Variants in LAMC2 observed in about 807,000 individuals in gnomAD.
LAMC2 encodes the protein laminin subunit gamma-2.
In LAMC2, 97 loss-of-function variants were observed where a neutral mutation model predicts 140.2. The observed-to-expected ratio is 0.69, with a 90% confidence interval of 0.59 to 0.82. The LOEUF is 0.82. LAMC2 is among the 40% of genes least tolerant of loss of function. The probability of loss-of-function intolerance (pLI) is 0.00; values close to 1 mark genes in which losing one functional copy is unlikely to be tolerated. For missense variants in LAMC2, 1,402 were observed against 1,476.1 expected (o/e 0.95, Z 0.82); for synonymous variants, 513 against 540.2 (o/e 0.95, Z 0.70).
chr1:183,215,320 C>A, intron 2 of LAMC2, 133 bp from the exon 3 acceptor site: 1 of 957,136 alleles, frequency 1.0e-6, no homozygotes, highest in Admixed American at 2.0e-5. Flanking sequence ...TGTGAAGTGA[C>A]TGTTAAAAGC....
Position 183,232,812 on chromosome 1 carries a change from G to A in LAMC2, c.2175G>A (p.Gln725=), listed in dbSNP as rs1285282989. The change falls in exon 14 of 23, where the codon CAG becomes CAA. Residue 725 remains glutamine, a synonymous_variant. Coordinates refer to ENST00000264144, the MANE Select transcript of LAMC2 (RefSeq NM_005562.3). ...RVRDTHRLIT[Q]MQLSLAESEA... is the part of the protein sequence containing the mutation. ...GGGATACTCACAGGCTCATCACTCAGATGCAGCTGAGCCTGGCAGAAAGTG... is the reference window on the plus strand; with the variant it reads ...GGGATACTCACAGGCTCATCACTCAAATGCAGCTGAGCCTGGCAGAAAGTG... 5 of 1,614,162 alleles carry A rather than the reference G, an allele frequency of 3.1e-6. No individual in the cohort carries two copies. The highest frequency in any genetic ancestry group is 4.2e-6 in the Non-Finnish European group (5 of 1,179,994).
intron 1 of LAMC2, among the ~76,000 whole-genome samples, chr1:183,198,722 C>T (rs1240807743): frequency 6.6e-6 from 1 of 152,202 alleles, no homozygotes; most frequent in Non-Finnish European, 1.5e-5. Context: ...TGCTCTGAGG[C>T]CTGCCTCATC....
At chr1:183,189,564 T>C (rs1457565529) in intron 1 of LAMC2, among the ~76,000 whole-genome samples, 1 of 152,036 alleles carries the variant, frequency 6.6e-6, no homozygotes, top group Admixed American at 6.6e-5. Flanking sequence ...ATTTGAGATA[T>C]AAATTTGGGG....
rs1355702816 is a variant in LAMC2 at position 183,243,553 on chromosome 1, C to T, written c.*153C>T. On this transcript the variant is annotated 3_prime_UTR_variant, in exon 23 of 23. Transcript: ENST00000264144. ...CCTGACCCCATTCCTGATCCCATGG[C>T]CAGGTGGTTGTCTTATTGCACCATA... 3.3e-6 allele frequency: 3 copies of T among 912,232 alleles called. No homozygotes were observed. The highest frequency in any genetic ancestry group is 3.3e-5 in the African/African-American group (2 of 61,264). 56.5% of individuals were successfully genotyped at this position (912,232 alleles called of 1,614,324 possible). A position where few individuals can be genotyped will look rare whatever the true frequency, so the allele number is the denominator to read the frequency against.
chr1:183,214,052 AT>A (rs1241868027), intron 2 of LAMC2, among the ~76,000 whole-genome samples: 1 of 138,456 alleles, frequency 7.2e-6, no homozygotes, highest in Non-Finnish European at 1.5e-5. Context: ...AAAAAAAAAA[AT>A]ACAGATTATT....
intron 16 of LAMC2, 120 bp downstream of exon 16, chr1:183,235,850 G>C (rs1659945580): frequency 3.0e-6 from 3 of 988,118 alleles, no homozygotes; most frequent in East Asian, 2.6e-5. Flanking sequence ...ATGATAATAA[G>C]AGGGCCGAAA....
Position 183,240,334 on chromosome 1 carries a change from G to T in LAMC2, c.3271G>T (p.Ala1091Ser), listed in dbSNP as rs767196482. The change falls in exon 22 of 23, where the codon GCT becomes TCT. Residue 1091 changes from alanine (A) to serine (S), a missense_variant. Around this residue, in one of 3 missense-constraint regions of LAMC2, gnomAD observed 670 missense variants for 667.2 expected, o/e 1.00. Coordinates refer to ENST00000264144, the MANE Select transcript of LAMC2 (RefSeq NM_005562.3). ...GAAGGTTGATACCAGAGCCAAGAAC[G>T]CTGGGGTTACAATCCAAGACACACT... ...AQKVDTRAKN[A>S]GVTIQDTLNT... 6.2e-7 allele frequency: 1 copy of T among 1,614,176 alleles called. No individual in the cohort carries two copies. The highest frequency in any genetic ancestry group is 1.1e-5 in the South Asian group (1 of 91,076).
chr1:183,221,742 A>G (rs1050228497), intron 5 of LAMC2, among the ~76,000 whole-genome samples: 1 of 150,724 alleles, frequency 6.6e-6, no homozygotes, highest in African/African-American at 2.4e-5. Flanking sequence ...AAAAAAACAA[A>G]TGAAAAAAAA....
chr1:183,210,522 T>G (rs1659038365), intron 2 of LAMC2, among the ~76,000 whole-genome samples: 1 of 152,214 alleles, frequency 6.6e-6, no homozygotes, highest in South Asian at 2.1e-4. Flanking sequence ...TTCCAGCAAC[T>G]GATTGCAAGA....
At chr1:183,186,503 G>A in intron 1 of LAMC2, 72 bp downstream of exon 1, 2 of 1,519,898 alleles carry the variant, frequency 1.3e-6, no homozygotes, top group Non-Finnish European at 1.8e-6. Flanking sequence ...GACCGTGATG[G>A]CTGAACGTAC....
chr1:183,199,381 C>T (rs562775713), intron 1 of LAMC2, among the ~76,000 whole-genome samples: 106 of 152,194 alleles, frequency 7.0e-4, no homozygotes, highest in South Asian at 1.7e-3. Flanking sequence ...GGATTACAGA[C>T]TTTTCTTAGA....
In LAMC2 at chr1:183,232,643, T is replaced by C. The variant is rs760933152; in HGVS notation, c.2015-9T>C. Reference sequence around the variant, plus strand: ...AGTGCTCATGCTCCCTTTCCTTCTTTGCGTTCAGGTGCTAGCAGATCCCTT... The same window carrying C: ...AGTGCTCATGCTCCCTTTCCTTCTTCGCGTTCAGGTGCTAGCAGATCCCTT... On this transcript the variant is annotated splice_polypyrimidine_tract_variant and intron_variant, in intron 13 of 22. Transcript: ENST00000264144. 15 of 1,611,720 alleles carry C rather than the reference T, an allele frequency of 9.3e-6. No homozygotes were observed. The highest frequency in any genetic ancestry group is 1.3e-5 in the Non-Finnish European group (15 of 1,179,136).
At chr1:183,220,036 C>A (rs1659418843) in intron 4 of LAMC2, among the ~76,000 whole-genome samples, 1 of 152,218 alleles carries the variant, frequency 6.6e-6, no homozygotes. Flanking sequence ...AACATAAGTG[C>A]TAAATAAATA....
In LAMC2 at chr1:183,239,576, C is replaced by T. The variant is rs770148792; in HGVS notation, c.3069+13C>T. The T allele has an allele frequency of 2.5e-5, 41 of 1,608,768 alleles. No individual in the cohort carries two copies. The highest frequency in any genetic ancestry group is 5.4e-5 in the African/African-American group (4 of 74,732). On this transcript the variant is annotated intron_variant, in intron 20 of 22. Coordinates refer to ENST00000264144, the MANE Select transcript of LAMC2 (RefSeq NM_005562.3). ...TGAGATTGAACAGGTAAAGAGAAAT[C>T]GACATGTGTGTTGGTGCCAGTAGCA...
rs941403272 is a variant in LAMC2 at position 183,186,521 on chromosome 1, G to A, written c.79+90G>A. On this transcript the variant is annotated intron_variant, in intron 1 of 22. Coordinates refer to ENST00000264144, the MANE Select transcript of LAMC2 (RefSeq NM_005562.3). ...CGTGATGGCTGAACGTACCTCCGAG[G>A]ATTCCCACTTTGTCCAGAAACTTGT... 3 of 1,428,388 alleles carry A rather than the reference G, an allele frequency of 2.1e-6. No homozygotes were observed. The Admixed American group carries it at 5.7e-5, about 27-fold the overall frequency. The allele number at this position is 1,428,388 out of a possible 1,614,324, so 88.5% of individuals were successfully genotyped here. A position where few individuals can be genotyped will look rare whatever the true frequency, so the allele number is the denominator to read the frequency against.
intron 14 of LAMC2, among the ~76,000 whole-genome samples, chr1:183,234,160 T>G (rs1457900409): frequency 6.6e-6 from 1 of 152,246 alleles, no homozygotes; most frequent in African/African-American, 2.4e-5. Context: ...GTGCTGGGAT[T>G]ACAGGCATGA....
At chr1:183,192,673 T>TC (rs1338275853) in intron 1 of LAMC2, among the ~76,000 whole-genome samples, 2 of 137,688 alleles carry the variant, frequency 1.5e-5, no homozygotes, top group African/African-American at 6.3e-5. Flanking sequence ...AGTTTAATGT[T>TC]CTTTTTCTGA....
chr1:183,231,754 G>A (rs773997140), intron 12 of LAMC2, among the ~76,000 whole-genome samples: 11 of 152,224 alleles, frequency 7.2e-5, no homozygotes, highest in Non-Finnish European at 1.5e-4. Flanking sequence ...AACTCCAAAT[G>A]TAGAGCAAAC....
intron 7 of LAMC2, among the ~76,000 whole-genome samples, chr1:183,225,242 A>G (rs1228402929): frequency 2.0e-5 from 3 of 152,240 alleles, no homozygotes; most frequent in Non-Finnish European, 2.9e-5. Context: ...AAAAAAATGA[A>G]TAGTAGCTCT....
Sources: allele counts gnomAD v4.1 joint callset (sites outside exome capture counted in the v4.1 genomes callset), GRCh38; gene constraint gnomAD v4.1.1; regional missense constraint gnomAD v4.1.1; transcripts MANE v1.5; gene names NCBI Gene and HGNC (gene_info 2026-07-23, HGNC 2026-07-21).